Variants in UTRN observed in about 807,000 individuals in gnomAD.
UTRN encodes utrophin, also known as dystrophin-related protein 1.
In UTRN, 283 loss-of-function variants were observed where a neutral mutation model predicts 463.9. That is an observed-to-expected ratio of 0.61 (90% CI 0.55 to 0.67). UTRN has a LOEUF of 0.67. UTRN is among the 30% of genes least tolerant of loss of function. The pLI, the probability that UTRN is intolerant of heterozygous loss-of-function variation, is 0.00. For missense variants in UTRN, 3,922 were observed against 4,084.3 expected, an observed-to-expected ratio of 0.96 and a Z score of 1.08; for synonymous variants, 1,442 against 1,431.5, an observed-to-expected ratio of 1.01 and a Z score of -0.17.
intron 51 of UTRN, among the ~76,000 whole-genome samples, chr6:144,624,186 G>A (rs62427179): frequency 1.4e-3 from 209 of 152,184 alleles, no homozygotes; most frequent in Non-Finnish European, 2.0e-3. Flanking sequence ...GGGAAAATGA[G>A]GACAGAAAGG....
At chr6:144,468,992 G>A (rs550839102) in intron 23 of UTRN, among the ~76,000 whole-genome samples, 6 of 152,220 alleles carry the variant, frequency 3.9e-5, no homozygotes, top group South Asian at 2.1e-4. Context: ...AACCCTTCCC[G>A]CGCGGTGTGC....
At chr6:144,635,512 T>C (rs1777032524) in intron 51 of UTRN, among the ~76,000 whole-genome samples, 1 of 77,714 alleles carries the variant, frequency 1.3e-5, no homozygotes, top group African/African-American at 4.8e-5. Context: ...GCCTTTTTTT[T>C]TCTTTTTTTT....
At chr6:144,625,238 T>C (rs1775826444) in intron 51 of UTRN, among the ~76,000 whole-genome samples, 1 of 152,226 alleles carries the variant, frequency 6.6e-6, no homozygotes, top group Non-Finnish European at 1.5e-5. Flanking sequence ...TAATTCTAGG[T>C]CAACAATGAA....
intron 2 of UTRN, among the ~76,000 whole-genome samples, chr6:144,353,260 G>T (rs973481994): frequency 2.6e-5 from 4 of 151,948 alleles, no homozygotes; most frequent in African/African-American, 7.3e-5. Flanking sequence ...GACTACAGGC[G>T]CATGCTACCA....
intron 31 of UTRN, 87 bp downstream of exon 31, chr6:144,490,286 G>T (rs78616065): frequency 6.6e-7 from 1 of 1,509,228 alleles, no homozygotes; most frequent in Non-Finnish European, 8.9e-7. Context: ...CTTGGGCACC[G>T]TTTGTATTCT....
In UTRN at chr6:144,458,897, C is replaced by T; in HGVS notation, c.2412C>T (p.Phe804=). 11 of 1,613,854 alleles carry T rather than the reference C, an allele frequency of 6.8e-6. No homozygotes were observed. Among genetic ancestry groups the T allele is most frequent in the Non-Finnish European group, 9.3e-6 (11 of 1,179,952 alleles). Residue 804 remains phenylalanine (F), a synonymous_variant, in exon 20 of 75, where the codon TTC becomes TTT. Transcript: ENST00000367545. ...IQLQEDINAY[F]KQLDELEKVI... Reference sequence around the variant, plus strand: ...TACAGGAAGATATAAATGCTTATTTCAAGCAGCTTGATGAGCTTGAAAAGG... The same window carrying T: ...TACAGGAAGATATAAATGCTTATTTTAAGCAGCTTGATGAGCTTGAAAAGG...
chr6:144,585,348 C>T (rs184439438), intron 51 of UTRN, among the ~76,000 whole-genome samples: 2 of 152,164 alleles, frequency 1.3e-5, no homozygotes, highest in African/African-American at 2.4e-5. Flanking sequence ...CGTATTCTTT[C>T]CCATATGCAA....
At chr6:144,834,220 G>A (rs1227087614) in intron 69 of UTRN, among the ~76,000 whole-genome samples, 3 of 152,126 alleles carry the variant, frequency 2.0e-5, no homozygotes, top group Non-Finnish European at 4.4e-5. Flanking sequence ...AAGAAGGTCA[G>A]GTTAGGTACT....
Position 144,851,109 on chromosome 6 carries a change from G to C in UTRN, c.*112G>C. ...GCTCCATGGCTCCTTGGCCCACGAT[G>C]TTGAGTGCTGACTGTGTGTTCTACT... On this transcript the variant is annotated 3_prime_UTR_variant, in exon 75 of 75. Transcript: ENST00000367545. The C allele has an allele frequency of 7.4e-7, 1 of 1,348,912 alleles. No homozygotes were observed. The highest frequency in any genetic ancestry group is 2.3e-5 in the East Asian group (1 of 43,544). 83.6% of individuals were successfully genotyped at this position (1,348,912 alleles called of 1,614,324 possible).
intron 65 of UTRN, among the ~76,000 whole-genome samples, chr6:144,809,094 A>G (rs2128749333): frequency 6.6e-6 from 1 of 152,310 alleles, no homozygotes; most frequent in Middle Eastern, 3.4e-3. Flanking sequence ...ATTGTTTTTC[A>G]TAATGACTGA....
chr6:144,323,561 T>C (rs1440039796), intron 2 of UTRN, among the ~76,000 whole-genome samples: 1 of 152,252 alleles, frequency 6.6e-6, no homozygotes, highest in African/African-American at 2.4e-5. Flanking sequence ...TGCAGTCATT[T>C]AGTAGCAATT....
chr6:144,508,446 T>G (rs1311932235), intron 34 of UTRN, among the ~76,000 whole-genome samples: 1 of 152,162 alleles, frequency 6.6e-6, no homozygotes, highest in Non-Finnish European at 1.5e-5. Context: ...GTATCTTGGC[T>G]GGATAGCACC....
chr6:144,414,300 C>T (rs549085561), intron 3 of UTRN, among the ~76,000 whole-genome samples: 1 of 152,244 alleles, frequency 6.6e-6, no homozygotes, highest in African/African-American at 2.4e-5. Context: ...TATTGATCCT[C>T]ACCCTGTGTA....
intron 2 of UTRN, among the ~76,000 whole-genome samples, chr6:144,306,357 A>G (rs73585097): frequency 0.079 from 11,968 of 152,014 alleles, 1,540 homozygotes; most frequent in African/African-American, 0.27. Context: ...CAGTTAGAGG[A>G]TAAGAGGTAT....
At chr6:144,449,233 C>T (rs1788004019) in intron 17 of UTRN, among the ~76,000 whole-genome samples, 1 of 152,144 alleles carries the variant, frequency 6.6e-6, no homozygotes, top group African/African-American at 2.4e-5. Context: ...TCTGTCTGCT[C>T]TAGAAACCAC....
intron 33 of UTRN, among the ~76,000 whole-genome samples, chr6:144,498,402 C>T (rs1793860145): frequency 6.6e-6 from 1 of 152,180 alleles, no homozygotes; most frequent in Admixed American, 6.5e-5. Context: ...TTTCTGTCAA[C>T]AACAATGAGA....
intron 51 of UTRN, among the ~76,000 whole-genome samples, chr6:144,607,383 A>G (rs140282393): frequency 7.9e-5 from 12 of 152,300 alleles, no homozygotes; most frequent in South Asian, 4.1e-4. Context: ...AAGTTCTGCT[A>G]TTTAACTTTG....
In UTRN at chr6:144,448,600, G is replaced by A. The variant is rs1377120210; in HGVS notation, c.1903G>A (p.Val635Met). ...VQRLEDSSNQVTQAVAKLGMS... is the reference protein window; with the variant it reads ...VQRLEDSSNQMTQAVAKLGMS... ...AAATTTTGGATGGCTTTTATTTCAG[G>A]TGACTCAGGCTGTAGCAAAGCTGGG... Residue 635 changes from valine (V) to methionine (M), a missense_variant and splice_region_variant, in exon 17 of 75, where the codon GTG (valine) becomes ATG (methionine). Val to Met is a conservative substitution (Grantham distance 21). Around this residue, in one of 3 missense-constraint regions of UTRN, gnomAD observed 2,349 missense variants for 2,303.8 expected, o/e 1.02. Transcript: ENST00000367545. 6.2e-7 allele frequency: 1 copy of A among 1,611,626 alleles called. No individual in the cohort carries two copies. Among genetic ancestry groups the A allele is most frequent in the Admixed American group, 1.7e-5 (1 of 59,658 alleles).
intron 65 of UTRN, among the ~76,000 whole-genome samples, chr6:144,815,945 A>G (rs939836127): frequency 1.3e-5 from 2 of 152,228 alleles, no homozygotes; most frequent in South Asian, 2.1e-4. Flanking sequence ...ATTCCCAATG[A>G]ATGGATACGG....
Sources: gnomAD v4.1 joint callset for allele counts (sites outside exome capture counted in the v4.1 genomes callset) on GRCh38, gnomAD v4.1.1 for gene constraint, gnomAD v4.1.1 regional missense constraint, MANE v1.5 for transcripts, NCBI Gene and HGNC (gene_info 2026-07-23, HGNC 2026-07-21) for gene names.